Variants in MYH11 observed in about 807,000 individuals in gnomAD.
MYH11 encodes the protein myosin-11.
In MYH11, 80 loss-of-function variants were observed where a neutral mutation model predicts 246.6. The ratio of observed to expected loss-of-function variants is 0.32; its 90% CI spans 0.27 to 0.39. The LOEUF (loss-of-function observed/expected upper bound fraction) is 0.39, where lower values mean the gene tolerates loss of function less well. Among genes scored for constraint, MYH11 ranks in the 10% least tolerant of loss-of-function variants. The pLI is 1.00. For missense variants in MYH11, 2,158 were observed against 2,546.8 expected (o/e 0.85, Z 3.29); for synonymous variants, 1,071 against 1,015.5 (o/e 1.05, Z -1.04).
At chr16:15,779,575 C>T (rs1222503536) in intron 6 of MYH11, among the ~76,000 whole-genome samples, 1 of 152,188 alleles carries the variant, frequency 6.6e-6, no homozygotes, top group Non-Finnish European at 1.5e-5. Context: ...CTAGAGGGCT[C>T]CCTCCCCAGA....
chr16:15,712,882 G>GTTCTTTTTTTTTTTT (rs2039887286), intron 40 of MYH11: 1 of 90,636 alleles, frequency 1.1e-5, no homozygotes, highest in Non-Finnish European at 2.3e-5. Flanking sequence ...TTCACATACA[G>GTTCTTTTTTTTTTTT]TTTTTTTTTT....
intron 1 of MYH11, among the ~76,000 whole-genome samples, chr16:15,849,866 C>A (rs73508089): frequency 0.019 from 2,955 of 152,268 alleles, 87 homozygotes; most frequent in African/African-American, 0.067. Flanking sequence ...GGACAAGTCA[C>A]TTGCCCTCTC....
At chr16:15,738,970 A>G (rs1289266581) in intron 23 of MYH11, among the ~76,000 whole-genome samples, 1 of 152,006 alleles carries the variant, frequency 6.6e-6, no homozygotes. Flanking sequence ...GGGCCTTTGC[A>G]CAGTGGGCCA....
intron 40 of MYH11, among the ~76,000 whole-genome samples, chr16:15,704,748 G>T (rs1193363571): frequency 2.0e-5 from 3 of 152,232 alleles, no homozygotes; most frequent in Non-Finnish European, 2.9e-5. Context: ...AGGGACTGCT[G>T]CATCTGTTTT....
chr16:15,714,845 C>G, intron 40 of MYH11, 64 bp downstream of exon 40: 2 of 1,599,292 alleles, frequency 1.3e-6, no homozygotes, highest in Non-Finnish European at 1.7e-6. Flanking sequence ...CGAAAGGAGC[C>G]CGAGCCCCCA....
chr16:15,777,421 G>A (rs1380434741), intron 7 of MYH11, among the ~76,000 whole-genome samples: 1 of 152,180 alleles, frequency 6.6e-6, no homozygotes, highest in African/African-American at 2.4e-5. Flanking sequence ...GTGCCTGGCT[G>A]AGATGTGTGT....
At chr16:15,722,161 A>G (rs1001169198) in intron 31 of MYH11, among the ~76,000 whole-genome samples, 2 of 152,076 alleles carry the variant, frequency 1.3e-5, no homozygotes, top group Non-Finnish European at 2.9e-5. Context: ...ACCTGGCCAA[A>G]TCCTTGTGCT....
In MYH11 at chr16:15,724,897, C is replaced by A; in HGVS notation, c.3954G>T (p.Gln1318His). 6.2e-7 allele frequency: 1 copy of A among 1,614,120 alleles called. No individual in the cohort carries two copies. Among genetic ancestry groups the A allele is most frequent in the South Asian group, 1.1e-5 (1 of 91,090 alleles). Reference protein sequence around the residue: ...KDVASLSSQLQDTQELLQEET... With the variant: ...KDVASLSSQLHDTQELLQEET... ...GTGGCAGGACACTCACCTGGGTGTC[C>A]TGGAGCTGGGAACTGAGGGACGCCA... is the stretch of plus-strand genomic sequence containing the variant. Residue 1318 changes from glutamine (Q) to histidine (H), a missense_variant, in exon 29 of 41, where the codon CAG (glutamine) becomes CAT (histidine). By Grantham distance (24) the Gln-to-His change is conservative (BLOSUM62 0). Coordinates refer to ENST00000300036, the MANE Select transcript of MYH11 (RefSeq NM_002474.3).
At chr16:15,803,520 G>A (rs893480984) in intron 3 of MYH11, among the ~76,000 whole-genome samples, 16 of 151,900 alleles carry the variant, frequency 1.1e-4, no homozygotes, top group Non-Finnish European at 4.4e-5. Flanking sequence ...CAGGTGATCC[G>A]CCCGCCTCAG....
intron 3 of MYH11, among the ~76,000 whole-genome samples, chr16:15,809,587 T>G (rs1013099391): frequency 1.3e-5 from 2 of 151,560 alleles, no homozygotes; most frequent in African/African-American, 4.9e-5. Context: ...GCCCAGAGGC[T>G]GGGAGGACAC....
chr16:15,810,970 G>T (rs527578732), intron 3 of MYH11, among the ~76,000 whole-genome samples: 1 of 152,244 alleles, frequency 6.6e-6, no homozygotes, highest in African/African-American at 2.4e-5. Context: ...TGATTACAAG[G>T]TGTCATGGTC....
chr16:15,726,860 G>A lies in MYH11; in HGVS notation c.3846C>T (p.Val1282=). ...ERARAELNDK[V]HKLQNEVESV... The stretch of plus-strand genomic sequence containing the variant: ...GCCACCTCCTCACCTGCAGCTTGTG[G>A]ACTTTGTCATTGAGCTCCGCCCGGG... The change falls in exon 28 of 41, where the codon GTC becomes GTT. Residue 1282 remains valine, a synonymous_variant. Transcript: ENST00000300036. 6.2e-7 allele frequency: 1 copy of A among 1,612,006 alleles called. No individual in the cohort carries two copies. Among genetic ancestry groups the A allele is most frequent in the Non-Finnish European group, 8.5e-7 (1 of 1,179,980 alleles).
At chr16:15,837,859 C>A (rs748633735) in intron 2 of MYH11, 49 bp downstream of exon 2, 22 of 1,544,218 alleles carry the variant, frequency 1.4e-5, no homozygotes, top group Non-Finnish European at 1.9e-5. Flanking sequence ...CTAATGCCTA[C>A]TTTCCTTATG....
chr16:15,720,378 C>A (rs2040403729), intron 33 of MYH11, 66 bp from the exon 34 acceptor site: 1 of 1,553,804 alleles, frequency 6.4e-7, no homozygotes, highest in Non-Finnish European at 8.7e-7. Context: ...CTCACCTAGG[C>A]AGCACATCAC....
chr16:15,774,166 T>G (rs578160183), intron 8 of MYH11, among the ~76,000 whole-genome samples: 1 of 152,362 alleles, frequency 6.6e-6, no homozygotes, highest in East Asian at 1.9e-4. Context: ...TGGATTAACT[T>G]GAAATGCCTG....
chr16:15,767,786 G>A (rs191872316), intron 9 of MYH11, among the ~76,000 whole-genome samples: 8 of 151,982 alleles, frequency 5.3e-5, no homozygotes, highest in Non-Finnish European at 8.8e-5. Flanking sequence ...CCACATGAAG[G>A]ATGAGGCAGA....
intron 2 of MYH11, among the ~76,000 whole-genome samples, chr16:15,836,572 G>A (rs1409874308): frequency 6.6e-6 from 1 of 151,590 alleles, no homozygotes; most frequent in Non-Finnish European, 1.5e-5. Flanking sequence ...GCTAATTTTT[G>A]TATTTTTAGT....
chr16:15,778,243 T>C (rs1360811921), intron 7 of MYH11, among the ~76,000 whole-genome samples: 1 of 152,226 alleles, frequency 6.6e-6, no homozygotes, highest in Non-Finnish European at 1.5e-5. Flanking sequence ...GGGTAAACTC[T>C]GTTTTCATCA....
intron 3 of MYH11, among the ~76,000 whole-genome samples, chr16:15,804,768 C>T (rs2042971336): frequency 6.6e-6 from 1 of 152,170 alleles, no homozygotes; most frequent in Non-Finnish European, 1.5e-5. Flanking sequence ...ACATGTGCGG[C>T]CTTTCATGTC....
Sources: allele counts gnomAD v4.1 joint callset (sites outside exome capture counted in the v4.1 genomes callset), GRCh38; gene constraint gnomAD v4.1.1; transcripts MANE v1.5; gene names NCBI Gene and HGNC (gene_info 2026-07-23, HGNC 2026-07-21).